The following ACOXL variants were observed in gnomAD, a reference collection of about 807,000 sequenced individuals.
ACOXL encodes acyl-CoA oxidase like.
In ACOXL, 70 loss-of-function variants were observed where a neutral mutation model predicts 71.9. The ratio of observed to expected loss-of-function variants is 0.97; its 90% CI spans 0.80 to 1.19. The LOEUF (loss-of-function observed/expected upper bound fraction) is 1.19, where lower values mean the gene tolerates loss of function less well. Among genes scored for constraint, ACOXL ranks in the 50% most tolerant of loss-of-function variants. The pLI, the probability that ACOXL is intolerant of heterozygous loss-of-function variation, is 0.00. For missense variants in ACOXL, 703 were observed against 736.3 expected, an observed-to-expected ratio of 0.95 and a Z score of 0.52; for synonymous variants, 253 against 281.6, an observed-to-expected ratio of 0.90 and a Z score of 1.02.
chr2:110,972,235 G>A (rs1335874980), intron 12 of ACOXL, among the ~76,000 whole-genome samples: 1 of 152,116 alleles, frequency 6.6e-6, no homozygotes, highest in Non-Finnish European at 1.5e-5. Context: ...CAGAAAGCAG[G>A]GCACCCTGTG....
At chr2:111,033,658 G>A (rs554773892) in intron 15 of ACOXL, among the ~76,000 whole-genome samples, 1 of 152,256 alleles carries the variant, frequency 6.6e-6, no homozygotes, top group African/African-American at 2.4e-5. Context: ...CTGTTGGTGG[G>A]TTATTTCTTC....
At chr2:110,768,311 C>T (rs1681383658) in intron 1 of ACOXL, 57 bp from the exon 2 acceptor site, 2 of 1,454,706 alleles carry the variant, frequency 1.4e-6, no homozygotes, top group Non-Finnish European at 1.9e-6. Context: ...AAAGCATCCA[C>T]AGCCTCCCCT....
chr2:110,772,814 G>A (rs796432588), intron 2 of ACOXL, among the ~76,000 whole-genome samples: 64 of 152,250 alleles, frequency 4.2e-4, no homozygotes, highest in African/African-American at 1.5e-3. Context: ...ACCTGCATGT[G>A]AGACACTGGA....
chr2:110,941,293 C>T (rs998505650), intron 12 of ACOXL, among the ~76,000 whole-genome samples: 1 of 152,180 alleles, frequency 6.6e-6, no homozygotes, highest in African/African-American at 2.4e-5. Flanking sequence ...TAGCAGACTT[C>T]TGATCAAGAT....
chr2:110,755,226 C>T (rs931912821), intron 1 of ACOXL, among the ~76,000 whole-genome samples: 1 of 152,110 alleles, frequency 6.6e-6, no homozygotes, highest in African/African-American at 2.4e-5. Flanking sequence ...ACATGTGAGG[C>T]CTGACTCCCA....
chr2:110,838,936 T>A (rs1690799596), intron 9 of ACOXL, among the ~76,000 whole-genome samples: 1 of 152,206 alleles, frequency 6.6e-6, no homozygotes, highest in South Asian at 2.1e-4. Context: ...GTTTGAGCCC[T>A]CCCTGTCCAC....
chr2:110,822,451 A>G (rs538740813), intron 9 of ACOXL, among the ~76,000 whole-genome samples: 5 of 152,224 alleles, frequency 3.3e-5, no homozygotes, highest in African/African-American at 7.2e-5. Context: ...TTTAACTCAT[A>G]TTCCATGCAA....
chr2:110,811,689 G>A (rs1243479802), intron 9 of ACOXL, among the ~76,000 whole-genome samples: 1 of 146,420 alleles, frequency 6.8e-6, no homozygotes, highest in Non-Finnish European at 1.5e-5. Context: ...TGCTCATCCT[G>A]TTCTGCTCAG....
intron 14 of ACOXL, among the ~76,000 whole-genome samples, chr2:111,030,475 T>A (rs2065214335): frequency 6.6e-6 from 1 of 152,212 alleles, no homozygotes; most frequent in African/African-American, 2.4e-5. Context: ...CTCCAAACTG[T>A]GCCTGCGGCC....
At chr2:110,772,241 C>T (rs1319879514) in intron 2 of ACOXL, among the ~76,000 whole-genome samples, 1 of 152,162 alleles carries the variant, frequency 6.6e-6, no homozygotes, top group African/African-American at 2.4e-5. Context: ...GAGCCCACGT[C>T]AAACAGGTGG....
intron 9 of ACOXL, among the ~76,000 whole-genome samples, chr2:110,815,528 G>A (rs1260766495): frequency 2.0e-5 from 3 of 152,210 alleles, no homozygotes; most frequent in Admixed American, 6.5e-5. Flanking sequence ...ACCTTAGAAG[G>A]AGGGGATGTT....
At chr2:111,035,573 C>T (rs7591577) in intron 15 of ACOXL, among the ~76,000 whole-genome samples, 3,441 of 152,274 alleles carry the variant, frequency 0.023, 143 homozygotes, top group African/African-American at 0.078. Flanking sequence ...GTGAGTACTT[C>T]TCATTATGCA....
At chr2:110,948,445 G>A (rs991614723) in intron 12 of ACOXL, among the ~76,000 whole-genome samples, 14 of 152,090 alleles carry the variant, frequency 9.2e-5, no homozygotes, top group African/African-American at 3.4e-4. Context: ...CATTTATCTG[G>A]CATCAGCCAA....
rs750267772 is a variant in ACOXL at position 111,117,782 on chromosome 2, G to T, written c.1709G>T (p.Arg570Leu). The change falls in exon 18 of 18, where the codon CGC (arginine) becomes CTC (leucine). Residue 570 changes from arginine (R) to leucine (L), a missense_variant. Coordinates refer to ENST00000439055, the MANE Select transcript of ACOXL (RefSeq NM_001142807.4). ...CAGCCGCGGCCACGGGAAGAGGCGCGCTCCCGGCGGCCCAAGCTGGGAGCC... is the reference window on the plus strand; with the variant it reads ...CAGCCGCGGCCACGGGAAGAGGCGCTCTCCCGGCGGCCCAAGCTGGGAGCC... ...PLQPRPREEA[R>L]SRRPKLGAKL is the part of the protein sequence containing the mutation. 10 of 1,550,534 alleles carry T rather than the reference G, an allele frequency of 6.4e-6. No individual in the cohort carries two copies. In the East Asian group the frequency reaches 2.4e-4, roughly 38 times the overall value.
chr2:111,069,965 G>T (rs1423388672), intron 16 of ACOXL, among the ~76,000 whole-genome samples: 1 of 151,996 alleles, frequency 6.6e-6, no homozygotes, highest in Non-Finnish European at 1.5e-5. Context: ...TAACCCACAG[G>T]TGCTGCAGCC....
chr2:111,055,347 C>T (rs1224767951), intron 16 of ACOXL, among the ~76,000 whole-genome samples: 1 of 152,220 alleles, frequency 6.6e-6, no homozygotes, highest in Non-Finnish European at 1.5e-5. Flanking sequence ...TTCCCTCTTT[C>T]CTGCATTCTA....
intron 9 of ACOXL, among the ~76,000 whole-genome samples, chr2:110,806,604 G>GT (rs1346582436): frequency 6.6e-6 from 1 of 152,246 alleles, no homozygotes; most frequent in East Asian, 1.9e-4. Flanking sequence ...GGGAAGATTG[G>GT]TTAAACATCG....
intron 14 of ACOXL, among the ~76,000 whole-genome samples, chr2:111,009,724 C>G (rs2064054427): frequency 6.6e-6 from 1 of 152,066 alleles, no homozygotes; most frequent in Non-Finnish European, 1.5e-5. Context: ...AAGTTGGAAG[C>G]TTTAAAGAGC....
chr2:110,746,633 C>T (rs747129210), intron 1 of ACOXL, among the ~76,000 whole-genome samples: 2 of 152,090 alleles, frequency 1.3e-5, no homozygotes, highest in African/African-American at 2.4e-5. Context: ...ACCGTAGACG[C>T]CTGCAGAATT....
Sources: allele counts gnomAD v4.1 joint callset (sites outside exome capture counted in the v4.1 genomes callset), GRCh38; gene constraint gnomAD v4.1.1; transcripts MANE v1.5; gene names NCBI Gene and HGNC (gene_info 2026-07-23, HGNC 2026-07-21).